The following ACAD11 variants were observed in gnomAD, a reference collection of about 807,000 sequenced individuals.
The protein encoded by ACAD11 is acyl-Coenzyme A dehydrogenase family, member 11.
Under a neutral mutation model 102.2 loss-of-function variants are expected in ACAD11, and 83 were observed. That is an observed-to-expected ratio of 0.81 (90% confidence interval 0.68 to 0.97). ACAD11 has a LOEUF of 0.97. ACAD11 is among the 50% of genes least tolerant of loss of function. The probability of loss-of-function intolerance (pLI) is 0.00; values close to 1 mark genes in which losing one functional copy is unlikely to be tolerated. For missense variants in ACAD11, 901 were observed against 951.7 expected, an observed-to-expected ratio of 0.95 and a Z score of 0.70; for synonymous variants, 324 against 319.8, an observed-to-expected ratio of 1.01 and a Z score of -0.14.
intron 11 of ACAD11, among the ~76,000 whole-genome samples, chr3:132,613,127 C>T (rs923259372): frequency 2.7e-5 from 4 of 147,116 alleles, no homozygotes; most frequent in Admixed American, 1.4e-4. Context: ...ATCGCAAGGA[C>T]AAAAAACCAA....
intron 12 of ACAD11, among the ~76,000 whole-genome samples, chr3:132,604,356 T>C (rs1488850926): frequency 6.6e-6 from 1 of 152,228 alleles, no homozygotes; most frequent in Non-Finnish European, 1.5e-5. Flanking sequence ...AGAAAAAACA[T>C]AGTCTAAATA....
intron 11 of ACAD11, among the ~76,000 whole-genome samples, chr3:132,610,698 C>A (rs1939095357): frequency 6.6e-6 from 1 of 152,190 alleles, no homozygotes; most frequent in South Asian, 2.1e-4. Flanking sequence ...CTGAATAGAC[C>A]AATAACAGGC....
At chr3:132,655,967 A>G (rs1331842941) in intron 1 of ACAD11, among the ~76,000 whole-genome samples, 4 of 152,250 alleles carry the variant, frequency 2.6e-5, no homozygotes, top group Admixed American at 2.6e-4. Context: ...GTAAGGCATG[A>G]GGAATAGTAA....
Position 132,558,177 on chromosome 3 carries a change from A to T in ACAD11, c.*794T>A, listed in dbSNP as rs1417546796. ...TATAGCCTTTAATTCCTAATGTTCA[A>T]AAACAATCCTGTCTTCTAAATCACA... On this transcript the variant is annotated 3_prime_UTR_variant, in exon 20 of 20. Coordinates refer to ENST00000264990, the MANE Select transcript of ACAD11 (RefSeq NM_032169.5). 1 of 152,162 alleles carries T rather than the reference A, an allele frequency of 6.6e-6. No homozygotes were observed. Among genetic ancestry groups the T allele is most frequent in the Non-Finnish European group, 1.5e-5 (1 of 68,016 alleles). 9.4% of individuals were successfully genotyped at this position (152,162 alleles called of 1,614,324 possible).
intron 1 of ACAD11, 108 bp downstream of exon 1, chr3:132,659,495 G>A: frequency 1.3e-6 from 2 of 1,505,916 alleles, no homozygotes; most frequent in Non-Finnish European, 1.8e-6. Flanking sequence ...ACTGACTGCA[G>A]GAAAAGCAAT....
intron 12 of ACAD11, among the ~76,000 whole-genome samples, chr3:132,604,220 T>C (rs1938744040): frequency 6.6e-6 from 1 of 152,212 alleles, no homozygotes; most frequent in Admixed American, 6.5e-5. Context: ...AGTAAACAAT[T>C]TGTAATTTTT....
At chr3:132,562,893 A>G (rs1937104786) in intron 17 of ACAD11, among the ~76,000 whole-genome samples, 1 of 152,158 alleles carries the variant, frequency 6.6e-6, no homozygotes, top group Non-Finnish European at 1.5e-5. Flanking sequence ...GTTTAGGAAC[A>G]TTTTACCTAA....
intron 5 of ACAD11, among the ~76,000 whole-genome samples, chr3:132,634,656 C>T (rs530127785): frequency 1.7e-3 from 256 of 152,116 alleles, no homozygotes; most frequent in Non-Finnish European, 3.1e-3. Flanking sequence ...GGAACCAACC[C>T]AAATATCCAA....
In ACAD11 at chr3:132,559,931, G is replaced by T; in HGVS notation, c.2130C>A (p.Ile710=). The change falls in exon 19 of 20, where the codon ATC becomes ATA. Residue 710 remains isoleucine, a synonymous_variant. Transcript: ENST00000264990. ...TGACAGCCCGTGGGGCAGCCACTTT[G>T]ATCATTGCAATCTATATAAGCAAAA... is the stretch of plus-strand genomic sequence containing the variant. ...SAGAKKEIAM[I]KVAAPRAVSK... 1 of 1,612,158 alleles carries T rather than the reference G, an allele frequency of 6.2e-7. No homozygotes were observed. Among genetic ancestry groups the T allele is most frequent in the Non-Finnish European group, 8.5e-7 (1 of 1,178,750 alleles).
At chr3:132,567,685 T>G (rs1005694788) in intron 17 of ACAD11, among the ~76,000 whole-genome samples, 1 of 152,186 alleles carries the variant, frequency 6.6e-6, no homozygotes, top group Admixed American at 6.5e-5. Flanking sequence ...TATATGTTAT[T>G]TAGAAGAAAT....
chr3:132,653,321 C>G (rs1937620376), intron 1 of ACAD11, among the ~76,000 whole-genome samples: 1 of 152,140 alleles, frequency 6.6e-6, no homozygotes, highest in Non-Finnish European at 1.5e-5. Flanking sequence ...CAAATAGGAG[C>G]AATCAGATGA....
intron 13 of ACAD11, among the ~76,000 whole-genome samples, chr3:132,585,153 C>T (rs1390497229): frequency 5.9e-5 from 9 of 152,180 alleles, no homozygotes; most frequent in Admixed American, 2.0e-4. Flanking sequence ...GAGATATAGA[C>T]CAATGGAACA....
rs761011145 is a variant in ACAD11 at position 132,619,529 on chromosome 3, T to C, written c.1214A>G (p.Tyr405Cys). The change falls in exon 10 of 20, where the codon TAT (tyrosine) becomes TGT (cysteine). Residue 405 changes from tyrosine (Y) to cysteine (C), a missense_variant. Transcript: ENST00000264990. ...LPAEKEVTEF[Y>C]VQNENSVDKW... The stretch of plus-strand genomic sequence containing the variant: ...GTCCACTGAATTTTCATTTTGAACA[T>C]AGAACTCAGTTACCTCCTTAAAGTA... 2.3e-5 allele frequency: 36 copies of C among 1,589,160 alleles called. No individual in the cohort carries two copies. In the Admixed American group the frequency reaches 4.1e-4, roughly 18 times the overall value.
chr3:132,592,506 G>C (rs1938120833), intron 13 of ACAD11, among the ~76,000 whole-genome samples: 1 of 152,142 alleles, frequency 6.6e-6, no homozygotes, highest in African/African-American at 2.4e-5. Context: ...GATGTTAGTT[G>C]ATGATTTTTA....
At chr3:132,565,186 C>T (rs911723984) in intron 17 of ACAD11, among the ~76,000 whole-genome samples, 1 of 152,180 alleles carries the variant, frequency 6.6e-6, no homozygotes, top group African/African-American at 2.4e-5. Context: ...TAGGCTTCCA[C>T]CCTGGCAAGC....
intron 2 of ACAD11, among the ~76,000 whole-genome samples, chr3:132,644,056 G>A (rs938976477): frequency 1.4e-4 from 21 of 151,942 alleles, no homozygotes; most frequent in African/African-American, 3.9e-4. Context: ...CATGTTTCTG[G>A]GAATATGATA....
chr3:132,642,631 A>G, intron 3 of ACAD11, 46 bp downstream of exon 3: 1 of 1,525,114 alleles, frequency 6.6e-7, no homozygotes, highest in Non-Finnish European at 8.9e-7. Flanking sequence ...AATTAACTTC[A>G]TAATTAAAAG....
chr3:132,627,398 A>G (rs542957643), intron 8 of ACAD11, among the ~76,000 whole-genome samples: 4 of 152,198 alleles, frequency 2.6e-5, no homozygotes, highest in Non-Finnish European at 5.9e-5. Context: ...GGAGCAAAAA[A>G]TCCCGCTTCA....
intron 11 of ACAD11, among the ~76,000 whole-genome samples, chr3:132,611,218 G>T (rs533190917): frequency 3.3e-5 from 5 of 152,016 alleles, no homozygotes; most frequent in Non-Finnish European, 5.9e-5. Flanking sequence ...TCAATGGGAC[G>T]TATCTCAAAA....
Sources: allele counts gnomAD v4.1 joint callset (sites outside exome capture counted in the v4.1 genomes callset), GRCh38; gene constraint gnomAD v4.1.1; transcripts MANE v1.5; gene names NCBI Gene and HGNC (gene_info 2026-07-23, HGNC 2026-07-21).